Variants in CFAP91 observed in about 807,000 individuals in gnomAD.
CFAP91 encodes the protein cilia- and flagella-associated protein 91.
A neutral mutation model predicts 95.9 loss-of-function variants in CFAP91; 85 were observed. The ratio of observed to expected loss-of-function variants is 0.89; its 90% CI spans 0.74 to 1.06. The LOEUF (loss-of-function observed/expected upper bound fraction) is 1.06, where lower values mean the gene tolerates loss of function less well. Among genes scored for constraint, CFAP91 ranks in the 50% least tolerant of loss-of-function variants. The pLI is 0.00. For missense variants in CFAP91, 962 were observed against 943.4 expected (o/e 1.02, Z -0.26); for synonymous variants, 335 against 327.5 (o/e 1.02, Z -0.25).
chr3:119,731,266 G>A (rs1471673474), intron 8 of CFAP91, among the ~76,000 whole-genome samples: 1 of 152,074 alleles, frequency 6.6e-6, no homozygotes, highest in Non-Finnish European at 1.5e-5. Flanking sequence ...AATTACATGT[G>A]CAGACTATTT....
chr3:119,706,251 T>G (rs2053358641), intron 1 of CFAP91: 1 of 152,534 alleles, frequency 6.6e-6, no homozygotes, highest in Non-Finnish European at 1.5e-5. Context: ...TTGAACTTTG[T>G]AAAAATAACA....
intron 5 of CFAP91, among the ~76,000 whole-genome samples, chr3:119,712,811 TG>T: frequency 6.6e-6 from 1 of 151,986 alleles, no homozygotes; most frequent in East Asian, 2.0e-4. Context: ...AAAAATTAGC[TG>T]GGTGAGGTGG....
chr3:119,759,961 A>G (rs1488710205), intron 17 of CFAP91, among the ~76,000 whole-genome samples: 2 of 151,918 alleles, frequency 1.3e-5, no homozygotes, highest in African/African-American at 2.4e-5. Flanking sequence ...CAAGAGAGGA[A>G]GAAAGGAATA....
chr3:119,716,040 A>G (rs2053568416), intron 6 of CFAP91: 4 of 539,298 alleles, frequency 7.4e-6, no homozygotes. Context: ...CTAGTGAACC[A>G]CTTCCTTTTC....
chr3:119,731,663 A>T (rs2053899578), intron 8 of CFAP91, among the ~76,000 whole-genome samples: 1 of 152,222 alleles, frequency 6.6e-6, no homozygotes, highest in African/African-American at 2.4e-5. Flanking sequence ...ATCTTGTATA[A>T]GATTTTTACC....
chr3:119,726,412 T>A, intron 7 of CFAP91, 64 bp downstream of exon 7: 1 of 1,407,144 alleles, frequency 7.1e-7, no homozygotes, highest in Non-Finnish European at 9.6e-7. Context: ...ATACTTTATA[T>A]CTGCAAAGCA....
chr3:119,707,642 A>G, intron 3 of CFAP91, 81 bp downstream of exon 3: 1 of 1,359,908 alleles, frequency 7.4e-7, no homozygotes. Context: ...TGTGGTTTTA[A>G]AATGTTCAGT....
At chr3:119,726,102 G>C in intron 6 of CFAP91, 69 bp from the exon 7 acceptor site, 1 of 1,354,340 alleles carries the variant, frequency 7.4e-7, no homozygotes, top group Non-Finnish European at 1.0e-6. Context: ...CTGACAGGGA[G>C]TTAATTATAT....
At chr3:119,720,424 G>T (rs1204817273) in intron 6 of CFAP91, among the ~76,000 whole-genome samples, 1 of 150,286 alleles carries the variant, frequency 6.7e-6, no homozygotes, top group Non-Finnish European at 1.5e-5. Flanking sequence ...AGAAAACTTA[G>T]ATAAATTATA....
Position 119,765,150 on chromosome 3 carries a change from T to C in CFAP91, c.*100T>C, listed in dbSNP as rs574622404. On this transcript the variant is annotated 3_prime_UTR_variant, in exon 18 of 18. Coordinates refer to ENST00000273390, the MANE Select transcript of CFAP91 (RefSeq NM_033364.4). ...TGTGCACTGCTCATAAACTTGCCAG[T>C]GTGTGATTCATGAGAAAGGAGATTT... is the stretch of plus-strand genomic sequence containing the variant. 6.6e-6 allele frequency: 1 copy of C among 152,302 alleles called. No homozygotes were observed. Among genetic ancestry groups the C allele is most frequent in the South Asian group, 2.1e-4 (1 of 4,830 alleles). The allele number at this position is 152,302 out of a possible 1,614,324, so 9.4% of individuals were successfully genotyped here. A position where few individuals can be genotyped will look rare whatever the true frequency, so the allele number is the denominator to read the frequency against.
At chr3:119,718,158 A>C (rs1440805736) in intron 6 of CFAP91, among the ~76,000 whole-genome samples, 1 of 152,212 alleles carries the variant, frequency 6.6e-6, no homozygotes, top group East Asian at 1.9e-4. Context: ...TGGAAGAATA[A>C]ATTTCTGAGT....
chr3:119,746,954 G>A (rs923133930), intron 14 of CFAP91, among the ~76,000 whole-genome samples, 161 bp from the exon 15 acceptor site: 6 of 152,182 alleles, frequency 3.9e-5, no homozygotes, highest in Admixed American at 2.0e-4. Flanking sequence ...ATGAGAAACA[G>A]ACTGATGAGA....
chr3:119,715,253 T>C (rs1207615891), intron 5 of CFAP91: 2 of 447,296 alleles, frequency 4.5e-6, no homozygotes, highest in African/African-American at 4.0e-5. Context: ...TCAGAAGTGC[T>C]GTACAGCATT....
intron 7 of CFAP91, among the ~76,000 whole-genome samples, chr3:119,728,601 T>A (rs774450230): frequency 3.9e-5 from 6 of 152,168 alleles, no homozygotes; most frequent in Non-Finnish European, 7.4e-5. Flanking sequence ...GGCTTAGTTT[T>A]AAAAATGCCT....
chr3:119,703,500 G>A (rs551841893), intron 1 of CFAP91, among the ~76,000 whole-genome samples: 3 of 152,380 alleles, frequency 2.0e-5, no homozygotes, highest in Admixed American at 6.5e-5. Context: ...TTGGTACCCA[G>A]AAAGTGTGCA....
In CFAP91 at chr3:119,751,067, G is replaced by C. The variant is rs768515383; in HGVS notation, c.2274G>C (p.Glu758Asp). The part of the protein sequence containing the change: ...DEASNAAMLL[E>D]KETQNENNS ...CCTCAAATGCTGCCATGTTACTTGA[G>C]AAAGAAACTCAAAATGAGAACAACA... The change falls in exon 17 of 18, where the codon GAG (glutamate) becomes GAC (aspartate). Residue 758 changes from glutamate to aspartate, a missense_variant. Coordinates refer to ENST00000273390, the MANE Select transcript of CFAP91 (RefSeq NM_033364.4). 1.2e-6 allele frequency: 2 copies of C among 1,608,072 alleles called. No individual in the cohort carries two copies. Among genetic ancestry groups the C allele is most frequent in the African/African-American group, 2.7e-5 (2 of 74,416 alleles).
chr3:119,725,662 TG>T (rs2053768668), intron 6 of CFAP91, among the ~76,000 whole-genome samples: 2 of 151,776 alleles, frequency 1.3e-5, no homozygotes, highest in East Asian at 3.9e-4. Context: ...GAGGCTGAGG[TG>T]GGGGGATCAT....
chr3:119,731,636 TGCA>T, intron 8 of CFAP91, among the ~76,000 whole-genome samples: 1 of 152,324 alleles, frequency 6.6e-6, no homozygotes, highest in African/African-American at 2.4e-5. Context: ...GGCCCCCTCT[TGCA>T]GCATGACGTC....
chr3:119,724,345 G>A (rs1004661963), intron 6 of CFAP91, among the ~76,000 whole-genome samples: 1 of 152,064 alleles, frequency 6.6e-6, no homozygotes, highest in Admixed American at 6.6e-5. Flanking sequence ...GGGGCTCAAT[G>A]TGGTAGTTAA....
Sources: allele counts gnomAD v4.1 joint callset (sites outside exome capture counted in the v4.1 genomes callset), GRCh38; gene constraint gnomAD v4.1.1; transcripts MANE v1.5; gene names NCBI Gene and HGNC (gene_info 2026-07-23, HGNC 2026-07-21).